CFAP44: variants seen among roughly 807,000 people sequenced by gnomAD.
The protein encoded by CFAP44 is cilia- and flagella-associated protein 44.
In CFAP44, 134 loss-of-function variants were observed where a neutral mutation model predicts 216.2. That is an observed-to-expected ratio of 0.62 (90% CI 0.54 to 0.72). CFAP44 has a LOEUF of 0.72. Ranked by LOEUF, CFAP44 falls within the 30% of genes least tolerant of loss-of-function variation. The pLI is 0.00. For missense variants in CFAP44, 2,035 were observed against 2,182.1 expected (o/e 0.93, Z 1.34); for synonymous variants, 700 against 727.6 (o/e 0.96, Z 0.61).
Position 113,287,288 on chromosome 3 carries a change from C to T in CFAP44, c.*4269G>A, listed in dbSNP as rs9826018. ...AGACACCCACACAGATGGCTGGATC[C>T]GGTGCTACGGGAAACATTTTCCTAA... is the stretch of plus-strand genomic sequence containing the variant. On this transcript the variant is annotated 3_prime_UTR_variant, in exon 35 of 35. Coordinates refer to ENST00000393845, the MANE Select transcript of CFAP44 (RefSeq NM_001164496.2). 5,877 of 302,588 alleles carry T rather than the reference C, an allele frequency of 0.019. 323 individuals carry two copies. The highest frequency in any genetic ancestry group is 0.12 in the African/African-American group (5,356 of 45,530). 18.7% of individuals were successfully genotyped at this position (302,588 alleles called of 1,614,324 possible). A position where few individuals can be genotyped will look rare whatever the true frequency, so the allele number is the denominator to read the frequency against.
chr3:113,316,634 C>T (rs775233), intron 28 of CFAP44, among the ~76,000 whole-genome samples: 67,449 of 151,792 alleles, frequency 0.44, 16,920 homozygotes, highest in Admixed American at 0.57. Flanking sequence ...TTTGAGAGAC[C>T]GAGGTGGGTG....
At chr3:113,388,235 C>T (rs547523625) in intron 15 of CFAP44, among the ~76,000 whole-genome samples, 2 of 152,240 alleles carry the variant, frequency 1.3e-5, no homozygotes, top group South Asian at 2.1e-4. Context: ...GGGCAAGACT[C>T]GGTGCTATTC....
At chr3:113,334,243 C>T (rs1435525331) in intron 24 of CFAP44, among the ~76,000 whole-genome samples, 1 of 152,162 alleles carries the variant, frequency 6.6e-6, no homozygotes. Context: ...AGCCATCATG[C>T]CCAGAAAATT....
In CFAP44 at chr3:113,395,749, C is replaced by CA; in HGVS notation, c.1890dup (p.Pro631SerfsTer2). The stretch of plus-strand genomic sequence containing the variant: ...CAGGAAGACAAATAATAATGACTTA[C>CA]ATGAGACATGGGAGACCACATTAAC... On this transcript the variant is annotated frameshift_variant and splice_region_variant. Transcript: ENST00000393845. LOFTEE classifies it high-confidence loss of function. 2 of 1,600,050 alleles carry CA rather than the reference C, an allele frequency of 1.2e-6. No individual in the cohort carries two copies. The highest frequency in any genetic ancestry group is 1.7e-6 in the Non-Finnish European group (2 of 1,172,504).
intron 22 of CFAP44, among the ~76,000 whole-genome samples, chr3:113,345,323 A>C (rs890401461): frequency 4.6e-5 from 7 of 152,046 alleles, no homozygotes; most frequent in Admixed American, 4.6e-4. Flanking sequence ...AGACTAAAAA[A>C]TGTTCATTCT....
intron 22 of CFAP44, among the ~76,000 whole-genome samples, chr3:113,350,947 C>G (rs542630532): frequency 8.1e-4 from 124 of 152,258 alleles, no homozygotes; most frequent in African/African-American, 2.8e-3. Context: ...TCTGACCAGA[C>G]CTAGGAGGAA....
At chr3:113,298,450 A>G (rs1258238862) in intron 32 of CFAP44, among the ~76,000 whole-genome samples, 1 of 152,240 alleles carries the variant, frequency 6.6e-6, no homozygotes, top group African/African-American at 2.4e-5. Flanking sequence ...ACCACTTCTA[A>G]GCCATATGGT....
chr3:113,389,442 A>G lies in CFAP44; in HGVS notation c.1890+6308T>C, dbSNP rs115257050. Among the ~76,000 whole-genome samples, 1,283 of 152,224 alleles carry G rather than the reference A, an allele frequency of 8.4e-3. 22 individuals are homozygous for G. The highest frequency in any genetic ancestry group is 0.029 in the African/African-American group (1,214 of 41,582). On this transcript the variant is annotated intron_variant, in intron 15 of 34. Transcript: ENST00000393845. The stretch of plus-strand genomic sequence containing the variant: ...AAAGATAGAAAAACCTCAAATAACT[A>G]ATGGCATATCTTAAAGAACTAAAAA...
intron 19 of CFAP44, 50 bp from the exon 20 acceptor site, chr3:113,363,582 T>G: frequency 1.4e-6 from 2 of 1,471,768 alleles, no homozygotes; most frequent in Non-Finnish European, 1.8e-6. Context: ...CATAGCATTT[T>G]CCTTAAAATA....
intron 28 of CFAP44, among the ~76,000 whole-genome samples, chr3:113,326,051 T>C (rs1285052538): frequency 6.6e-6 from 1 of 152,180 alleles, no homozygotes; most frequent in Non-Finnish European, 1.5e-5. Context: ...AAGACTAGTA[T>C]ACAGAATATA....
Position 113,355,769 on chromosome 3 carries a change from TA to T in CFAP44, c.3065+2975del, listed in dbSNP as rs112057738. On this transcript the variant is annotated intron_variant, in intron 22 of 34. Transcript: ENST00000393845. ...ACCTGTACCCTAGAATTTAAAGTATTAAAAAAAAAAAGTTACAAAAAAAATT... is the reference window on the plus strand; with the variant it reads ...ACCTGTACCCTAGAATTTAAAGTATTAAAAAAAAAAGTTACAAAAAAAATT... Among the ~76,000 whole-genome samples, 613 of 144,338 alleles carry T rather than the reference TA, an allele frequency of 4.2e-3. 4 individuals carry two copies. The highest frequency in any genetic ancestry group is 8.3e-3 in the African/African-American group (328 of 39,582). 94.7% of individuals were successfully genotyped at this position (144,338 alleles called of 152,430 possible).
intron 22 of CFAP44, among the ~76,000 whole-genome samples, chr3:113,354,165 G>A (rs983470481): frequency 1.3e-5 from 2 of 152,124 alleles, no homozygotes; most frequent in African/African-American, 4.8e-5. Context: ...AGTATACAGA[G>A]ATTAAGATGG....
chr3:113,373,410 C>A lies in CFAP44; in HGVS notation c.2444+1G>T. 6.4e-7 allele frequency: 1 copy of A among 1,556,558 alleles called. No individual in the cohort carries two copies. On this transcript the variant is annotated splice_donor_variant, in intron 18 of 34. Coordinates refer to ENST00000393845, the MANE Select transcript of CFAP44 (RefSeq NM_001164496.2). LOFTEE classifies it high-confidence loss of function. ...TTAAAGCTTTTTGAAATACTGCTCA[C>A]TTGAAAGTGATAGTTTGGATGGGAT...
intron 32 of CFAP44, among the ~76,000 whole-genome samples, chr3:113,298,991 A>G (rs1042052123): frequency 6.6e-6 from 1 of 152,244 alleles, no homozygotes; most frequent in African/African-American, 2.4e-5. Context: ...AAATGTTATG[A>G]TATGTACATT....
At chr3:113,383,380 T>C (rs1933564489) in intron 15 of CFAP44, among the ~76,000 whole-genome samples, 1 of 152,126 alleles carries the variant, frequency 6.6e-6, no homozygotes, top group South Asian at 2.1e-4. Context: ...GAAGAAACTC[T>C]GGTCTCTTCA....
chr3:113,312,431 ATT>A (rs991229064), intron 28 of CFAP44, among the ~76,000 whole-genome samples: 2 of 151,980 alleles, frequency 1.3e-5, no homozygotes, highest in Non-Finnish European at 2.9e-5. Context: ...AGTTTGGAAA[ATT>A]TGCAGCATGA....
intron 17 of CFAP44, among the ~76,000 whole-genome samples, chr3:113,375,946 T>TA (rs371988611): frequency 1.9e-4 from 28 of 150,922 alleles, no homozygotes; most frequent in East Asian, 3.9e-4. Flanking sequence ...CAATAGAAGG[T>TA]AAAAAAAAGG....
intron 32 of CFAP44, among the ~76,000 whole-genome samples, chr3:113,302,834 T>C (rs1327813363): frequency 6.7e-6 from 1 of 149,814 alleles, no homozygotes; most frequent in South Asian, 2.1e-4. Context: ...TAGAAGAGAT[T>C]TGCAGTGCAT....
intron 6 of CFAP44, among the ~76,000 whole-genome samples, chr3:113,415,772 C>A (rs1934628515): frequency 6.6e-6 from 1 of 152,088 alleles, no homozygotes; most frequent in Admixed American, 6.6e-5. Flanking sequence ...GAGTGTTTTA[C>A]TTCCAATTAT....
Sources: gnomAD v4.1 joint callset for allele counts (sites outside exome capture counted in the v4.1 genomes callset) on GRCh38, gnomAD v4.1.1 for gene constraint, MANE v1.5 for transcripts, NCBI Gene and HGNC (gene_info 2026-07-23, HGNC 2026-07-21) for gene names.